RAG1: variants seen among roughly 807,000 people sequenced by gnomAD.
The protein encoded by RAG1 is V(D)J recombination-activating protein 1.
RAG1 carries 35 observed loss-of-function variants against 62.7 expected under a neutral mutation model. That is an observed-to-expected ratio of 0.56 (90% confidence interval 0.43 to 0.74). RAG1 has a LOEUF of 0.74. RAG1 is among the 30% of genes least tolerant of loss of function. The pLI, the probability that RAG1 is intolerant of heterozygous loss-of-function variation, is 0.00. For missense variants in RAG1, 1,169 were observed against 1,278.6 expected (o/e 0.91, Z 1.31); for synonymous variants, 461 against 470.3 (o/e 0.98, Z 0.26).
chr11:36,526,484 A>G (rs958091253), intron 2 of RAG1, among the ~76,000 whole-genome samples: 3 of 152,142 alleles, frequency 2.0e-5, no homozygotes, highest in East Asian at 3.9e-4. Flanking sequence ...TCTATCATTT[A>G]TGGACATTTG....
intron 2 of RAG1, among the ~76,000 whole-genome samples, chr11:36,530,944 TC>T (rs1163002892): frequency 6.6e-6 from 1 of 152,022 alleles, no homozygotes; most frequent in African/African-American, 2.4e-5. Flanking sequence ...TGTCTATTTC[TC>T]CTTTCAGTTT....
upstream of RAG1, among the ~76,000 whole-genome samples, chr11:36,563,730 A>C (rs970074914): frequency 7.2e-5 from 11 of 152,324 alleles, no homozygotes; most frequent in African/African-American, 2.6e-4. Flanking sequence ...ATTAAATTAA[A>C]GCTAAAGCTC....
intron 3 of RAG1, among the ~76,000 whole-genome samples, chr11:36,548,557 A>G (rs1369426778): frequency 3.3e-5 from 5 of 152,200 alleles, no homozygotes. Flanking sequence ...TAGGAATCCA[A>G]CTTACAAGAG....
chr11:36,569,862 G>C (rs988720344), intron 1 of RAG1, among the ~76,000 whole-genome samples: 1 of 152,010 alleles, frequency 6.6e-6, no homozygotes, highest in Non-Finnish European at 1.5e-5. Context: ...AAATACAAAC[G>C]TATCTACATA....
chr11:36,532,338 T>C (rs550365551), intron 2 of RAG1, among the ~76,000 whole-genome samples: 14 of 152,258 alleles, frequency 9.2e-5, no homozygotes, highest in African/African-American at 3.4e-4. Flanking sequence ...ATTATATGTG[T>C]TAATTTTATG....
At chr11:36,523,197 C>T (rs1860107775) in intron 2 of RAG1, among the ~76,000 whole-genome samples, 1 of 152,204 alleles carries the variant, frequency 6.6e-6, no homozygotes, top group African/African-American at 2.4e-5. Context: ...ACCCAAACCT[C>T]ATCTTGTATC....
At chr11:36,551,380 G>T (rs1035192606) in intron 3 of RAG1, among the ~76,000 whole-genome samples, 5 of 152,018 alleles carry the variant, frequency 3.3e-5, no homozygotes, top group Non-Finnish European at 1.5e-5. Context: ...AACAACCAAC[G>T]TTTATTTTCT....
chr11:36,547,915 AG>A (rs1413492051), intron 3 of RAG1, among the ~76,000 whole-genome samples: 2 of 152,208 alleles, frequency 1.3e-5, no homozygotes, highest in African/African-American at 4.8e-5. Context: ...CACATCAAAA[AG>A]CTTATTCACC....
upstream of RAG1, chr11:36,566,339 T>C (rs1850661980): frequency 6.6e-6 from 1 of 152,268 alleles, no homozygotes; most frequent in African/African-American, 2.4e-5. Context: ...TTTGTCACTT[T>C]AGTTTTACAT....
At chr11:36,541,273 T>A (rs1475723329) in intron 3 of RAG1, among the ~76,000 whole-genome samples, 1 of 152,206 alleles carries the variant, frequency 6.6e-6, no homozygotes, top group Non-Finnish European at 1.5e-5. Context: ...GTGACAGATG[T>A]GAAATGACTC....
rs1850875869 is a variant in RAG1, at chr11:36,577,864, A to G, written c.*1428A>G. The G allele has an allele frequency of 6.0e-6, 1 of 167,026 alleles. No homozygotes were observed. Among genetic ancestry groups the G allele is most frequent in the Non-Finnish European group, 1.5e-5 (1 of 68,098 alleles). 10.3% of individuals were successfully genotyped at this position (167,026 alleles called of 1,614,324 possible). A position where few individuals can be genotyped will look rare whatever the true frequency, so the allele number is the denominator to read the frequency against. On this transcript the variant is annotated 3_prime_UTR_variant, in exon 2 of 2. Transcript: ENST00000299440. ...AATCACTATAGCACATGACCTTGGG[A>G]TTACATTTTTATGGGGCAGGGGTAA...
At chr11:36,544,279 A>G (rs538341161) in intron 3 of RAG1, among the ~76,000 whole-genome samples, 14 of 152,308 alleles carry the variant, frequency 9.2e-5, no homozygotes, top group Admixed American at 8.5e-4. Flanking sequence ...ATCAGAGAAG[A>G]AGGGGGATTA....
At chr11:36,511,309 C>G (rs1225470143) in intron 1 of RAG1, among the ~76,000 whole-genome samples, 1 of 152,104 alleles carries the variant, frequency 6.6e-6, no homozygotes, top group Non-Finnish European at 1.5e-5. Context: ...TAAAAATTAC[C>G]TGGGTGTGGT....
In RAG1 at chr11:36,576,171, T is replaced by C. The variant is rs182385524; in HGVS notation, c.2867T>C (p.Ile956Thr). The C allele has an allele frequency of 1.1e-5, 17 of 1,614,086 alleles. No homozygotes were observed. The highest frequency in any genetic ancestry group is 6.7e-5 in the Admixed American group (4 of 60,020). ...VPEIIERDGS[I>T]GAWASEGNES... ...GAAATTATTGAGAGGGATGGCTCCA[T>C]TGGGGCATGGGCAAGTGAGGGAAAT... The change falls in exon 2 of 2, where the codon ATT (isoleucine) becomes ACT (threonine). Residue 956 changes from isoleucine (I) to threonine (T), a missense_variant. Physicochemically the swap from Ile to Thr is moderately conservative, Grantham distance 89. Transcript: ENST00000299440.
rs143645675 is a variant in RAG1, at chr11:36,550,135, G to T, written c.-411-13250G>T. ...GCTGGGGACTGGGGAGCTGGGGAGG[G>T]ATAGCATTAGGAGAAATACCTAATG... On this transcript the variant is annotated intron_variant and NMD_transcript_variant, in intron 3 of 9. Coordinates refer to the RAG1 transcript ENST00000534663. Among the ~76,000 whole-genome samples, 478 of 152,200 alleles carry T rather than the reference G, an allele frequency of 3.1e-3. 1 individual carries two copies. The highest frequency in any genetic ancestry group is 0.01 in the African/African-American group (427 of 41,512).
intron 2 of RAG1, among the ~76,000 whole-genome samples, chr11:36,520,686 G>C (rs1267089042): frequency 1.3e-5 from 2 of 152,218 alleles, no homozygotes; most frequent in African/African-American, 4.8e-5. Context: ...ATCTAAGAAA[G>C]TGAAACATTA....
At chr11:36,512,208 G>A (rs1859935677) in intron 1 of RAG1, among the ~76,000 whole-genome samples, 2 of 152,160 alleles carry the variant, frequency 1.3e-5, no homozygotes, top group South Asian at 4.1e-4. Context: ...ATGACGAGAA[G>A]GATGCATATC....
At chr11:36,548,571 T>A (rs926894874) in intron 3 of RAG1, among the ~76,000 whole-genome samples, 7 of 152,122 alleles carry the variant, frequency 4.6e-5, no homozygotes, top group African/African-American at 9.7e-5. Flanking sequence ...ACAAGAGATG[T>A]GAAGGACCTC....
chr11:36,522,381 G>C (rs554003233), intron 2 of RAG1, among the ~76,000 whole-genome samples: 1 of 152,266 alleles, frequency 6.6e-6, no homozygotes, highest in African/African-American at 2.4e-5. Flanking sequence ...CAAGCCCCAA[G>C]CCTTGGCAAC....
Sources: allele counts gnomAD v4.1 joint callset (sites outside exome capture counted in the v4.1 genomes callset), GRCh38; gene constraint gnomAD v4.1.1; transcripts MANE v1.5; gene names NCBI Gene and HGNC (gene_info 2026-07-23, HGNC 2026-07-21).